Variants in DST observed in about 807,000 individuals in gnomAD.
DST encodes bullous pemphigoid antigen.
DST carries 253 observed loss-of-function variants against 875.2 expected under a neutral mutation model. The ratio of observed to expected loss-of-function variants is 0.29; its 90% CI spans 0.26 to 0.32. DST has a LOEUF of 0.32. Ranked by LOEUF, DST falls within the 10% of genes least tolerant of loss-of-function variation. DST has a pLI of 1.00. For synonymous variants in DST, 3,124 were observed against 3,197.1 expected (o/e 0.98, Z 0.77); for missense variants, 8,287 against 9,111.6 (o/e 0.91, Z 3.68).
Position 56,485,476 on chromosome 6 carries a change from G to A in DST, c.21048-5C>T, listed in dbSNP as rs777699585. 8.7e-6 allele frequency: 14 copies of A among 1,611,068 alleles called. No homozygotes were observed. The highest frequency in any genetic ancestry group is 1.6e-4 in the Middle Eastern group (1 of 6,068). On this transcript the variant is annotated splice_region_variant and splice_polypyrimidine_tract_variant and intron_variant, in intron 87 of 103. Coordinates refer to ENST00000680361, the MANE Select transcript of DST (RefSeq NM_001374736.1). ...GCTTCCTCCAATTTGTTTTGTCTAGGGAAAAAGGTAGAAAAATTGATCCTT... is the reference window on the plus strand; with the variant it reads ...GCTTCCTCCAATTTGTTTTGTCTAGAGAAAAAGGTAGAAAAATTGATCCTT...
chr6:56,946,171 C>T (rs933781259), intron 2 of DST, among the ~76,000 whole-genome samples: 2 of 151,944 alleles, frequency 1.3e-5, no homozygotes, highest in Non-Finnish European at 2.9e-5. Flanking sequence ...CAGAAAGGGG[C>T]AGGGGATTAA....
At chr6:56,915,444 G>A (rs1484909452) in intron 2 of DST, among the ~76,000 whole-genome samples, 1 of 152,156 alleles carries the variant, frequency 6.6e-6, no homozygotes, top group African/African-American at 2.4e-5. Context: ...CTAGAGAGGT[G>A]TGGTGAGAAA....
rs549112531 is a variant in DST, at chr6:56,486,726, C to T, written c.21047+378G>A. Among the ~76,000 whole-genome samples, 6 of 152,088 alleles carry T rather than the reference C, an allele frequency of 3.9e-5. No homozygotes were observed. In the South Asian group the frequency reaches 1.2e-3, roughly 32 times the overall value. Reference sequence around the variant, plus strand: ...CAATGCATGCCCAGTAGTAAGTCACCAAAGGGTGTGAAGGAGGGGAATGAC... The same window carrying T: ...CAATGCATGCCCAGTAGTAAGTCACTAAAGGGTGTGAAGGAGGGGAATGAC... On this transcript the variant is annotated intron_variant, in intron 87 of 103. Coordinates refer to ENST00000680361, the MANE Select transcript of DST (RefSeq NM_001374736.1).
intron 49 of DST, among the ~76,000 whole-genome samples, chr6:56,580,734 T>C (rs1317744313): frequency 1.4e-5 from 2 of 147,856 alleles, no homozygotes; most frequent in Non-Finnish European, 3.0e-5. Context: ...TCTTTTTTTT[T>C]TTTTTTTTTG....
rs922855018 is a variant in DST at position 56,607,481 on chromosome 6, C to G, written c.7147G>C (p.Glu2383Gln). The change falls in exon 40 of 104, where the codon GAA (glutamate) becomes CAA (glutamine). Residue 2383 changes from glutamate to glutamine, a missense_variant. This residue lies in a region of DST where 3,138 missense variants were observed against 3,116.6 expected (regional missense o/e 1.01). Coordinates refer to ENST00000680361, the MANE Select transcript of DST (RefSeq NM_001374736.1). ...SRVETNERAN[E>Q]CSHSKNIQNF... The stretch of plus-strand genomic sequence containing the variant: ...TGAATGTTTTTAGAATGACTACATT[C>G]ATTTGCACGTTCATTTGTTTCCACT... 3.8e-6 allele frequency: 6 copies of G among 1,597,964 alleles called. No homozygotes were observed. Among genetic ancestry groups the G allele is most frequent in the Non-Finnish European group, 5.1e-6 (6 of 1,171,004 alleles).
intron 64 of DST, among the ~76,000 whole-genome samples, chr6:56,531,709 T>C (rs558385319): frequency 2.0e-5 from 3 of 152,240 alleles, no homozygotes; most frequent in African/African-American, 7.2e-5. Flanking sequence ...GGCTAGTCAA[T>C]GGCGGCATCA....
Position 56,469,865 on chromosome 6 carries a change from A to T in DST, c.22551+18T>A, listed in dbSNP as rs753784184. 7.5e-6 allele frequency: 12 copies of T among 1,601,210 alleles called. No homozygotes were observed. Among genetic ancestry groups the T allele is most frequent in the South Asian group, 1.1e-5 (1 of 90,836 alleles). ...TTATGTCCTTTAAAGGAACTACAAC[A>T]TTACTTTGAAAACTTACCCTGTATT... On this transcript the variant is annotated intron_variant, in intron 97 of 103. Transcript: ENST00000680361.
At chr6:56,527,976 T>C (rs970368120) in intron 67 of DST, among the ~76,000 whole-genome samples, 1 of 152,230 alleles carries the variant, frequency 6.6e-6, no homozygotes, top group East Asian at 1.9e-4. Context: ...TCTTTAGCTA[T>C]GTGGAAAGCA....
intron 4 of DST, among the ~76,000 whole-genome samples, chr6:56,823,311 C>G (rs1029237940): frequency 1.3e-5 from 2 of 152,208 alleles, no homozygotes; most frequent in African/African-American, 4.8e-5. Context: ...TAAATTGCAT[C>G]TTTTCTCTCT....
At chr6:56,562,949 T>C (rs1320450696) in intron 55 of DST, among the ~76,000 whole-genome samples, 2 of 152,186 alleles carry the variant, frequency 1.3e-5, no homozygotes, top group Admixed American at 1.3e-4. Flanking sequence ...TAGTATTCCA[T>C]GGTATATATG....
At chr6:56,555,926 G>GT (rs1362193371) in intron 59 of DST, 86 bp from the exon 60 acceptor site, 1 of 1,292,212 alleles carries the variant, frequency 7.7e-7, no homozygotes, top group Non-Finnish European at 1.0e-6. Flanking sequence ...GACAGAAATG[G>GT]TAATTATTTC....
Position 56,606,313 on chromosome 6 carries a change from T to C in DST, c.8315A>G (p.Tyr2772Cys). 6.2e-7 allele frequency: 1 copy of C among 1,608,484 alleles called. No individual in the cohort carries two copies. Among genetic ancestry groups the C allele is most frequent in the Non-Finnish European group, 8.5e-7 (1 of 1,177,026 alleles). Residue 2772 changes from tyrosine (Y) to cysteine (C), a missense_variant, in exon 40 of 104, where the codon TAT becomes TGT. This residue lies in a region of DST where 3,138 missense variants were observed against 3,116.6 expected (regional missense o/e 1.01). Transcript: ENST00000680361. ...SGSWRGRKEE[Y>C]VTGQEFHSDT... The stretch of plus-strand genomic sequence containing the variant: ...GGAGTGAAATTCCTGTCCAGTTACA[T>C]ACTCTTCCTTTCTTCCTCTCCAACT...
intron 4 of DST, among the ~76,000 whole-genome samples, chr6:56,817,808 A>G (rs1232115752): frequency 1.3e-5 from 2 of 152,190 alleles, no homozygotes; most frequent in Non-Finnish European, 2.9e-5. Flanking sequence ...TTCCCCAAAG[A>G]TGTGCACATC....
At chr6:56,719,158 T>C (rs1393634063) in intron 5 of DST, among the ~76,000 whole-genome samples, 1 of 152,134 alleles carries the variant, frequency 6.6e-6, no homozygotes, top group Non-Finnish European at 1.5e-5. Context: ...CTGTCAAAAT[T>C]CAATAAAAAT....
At chr6:56,477,247 T>A (rs2095238956) in intron 91 of DST, 98 bp downstream of exon 91, 1 of 1,332,420 alleles carries the variant, frequency 7.5e-7, no homozygotes, top group Non-Finnish European at 1.0e-6. Context: ...AGGTCTCATT[T>A]TCCCATGGCC....
intron 3 of DST, among the ~76,000 whole-genome samples, chr6:56,878,041 T>C (rs926041603): frequency 3.4e-5 from 5 of 147,778 alleles, no homozygotes; most frequent in Admixed American, 2.7e-4. Flanking sequence ...AATTGGAAGT[T>C]AAAAAAAAAA....
intron 95 of DST, among the ~76,000 whole-genome samples, chr6:56,470,540 T>C (rs1396888455): frequency 1.3e-5 from 2 of 152,180 alleles, no homozygotes. Context: ...GGCAATTTTA[T>C]ATGGGTCAAT....
chr6:56,744,730 C>A (rs1181996132), intron 4 of DST, among the ~76,000 whole-genome samples: 2 of 152,166 alleles, frequency 1.3e-5, no homozygotes, highest in Non-Finnish European at 2.9e-5. Flanking sequence ...CAGCTGACAG[C>A]ACTGCCTCAC....
At chr6:56,673,236 C>T (rs2099111378) in intron 9 of DST, among the ~76,000 whole-genome samples, 1 of 151,844 alleles carries the variant, frequency 6.6e-6, no homozygotes, top group South Asian at 2.1e-4. Flanking sequence ...CAGAGTGAGG[C>T]CCTTAAAATC....
Sources: gnomAD v4.1 joint callset for allele counts (sites outside exome capture counted in the v4.1 genomes callset) on GRCh38, gnomAD v4.1.1 for gene constraint, gnomAD v4.1.1 regional missense constraint, MANE v1.5 for transcripts, NCBI Gene and HGNC (gene_info 2026-07-23, HGNC 2026-07-21) for gene names.